The following LIMK2 variants were observed in gnomAD, a reference collection of about 807,000 sequenced individuals.
LIMK2 encodes the protein LIM domain kinase 2.
Under a neutral mutation model 75.7 loss-of-function variants are expected in LIMK2, and 35 were observed. The observed-to-expected ratio is 0.46, with a 90% CI of 0.35 to 0.61. LIMK2 has a LOEUF of 0.61. LIMK2 is among the 20% of genes least tolerant of loss of function. LIMK2 has a pLI of 0.00. For synonymous variants in LIMK2, 301 were observed against 319.2 expected, an observed-to-expected ratio of 0.94 and a Z score of 0.61; for missense variants, 623 against 831.0, an observed-to-expected ratio of 0.75 and a Z score of 3.08.
chr22:31,212,356 G>T lies in LIMK2; in HGVS notation c.-53G>T, dbSNP rs115847103. ...CTGAGGGGAGTTGTAGGGAACTGAG[G>T]GGAGCTGCTGTGTCCCCCGCCTCCT... On this transcript the variant is annotated 5_prime_UTR_variant, in exon 1 of 16. Coordinates refer to ENST00000331728, the MANE Select transcript of LIMK2 (RefSeq NM_005569.4). The T allele has an allele frequency of 2.9e-3, 3,890 of 1,327,502 alleles. 89 individuals carry two copies. The African/African-American group carries it at 0.049, about 17-fold the overall frequency. 82.2% of individuals were successfully genotyped at this position (1,327,502 alleles called of 1,614,324 possible).
chr22:31,263,725 C>T (rs904894448), intron 7 of LIMK2, among the ~76,000 whole-genome samples: 4 of 152,152 alleles, frequency 2.6e-5, no homozygotes, highest in Admixed American at 6.5e-5. Flanking sequence ...GGGCAGGGCA[C>T]TGTGGCTCAC....
chr22:31,267,373 A>G (rs1289209902), intron 9 of LIMK2, among the ~76,000 whole-genome samples: 2 of 152,212 alleles, frequency 1.3e-5, no homozygotes, highest in African/African-American at 4.8e-5. Flanking sequence ...GTACAACTCA[A>G]TGTTATAATC....
At chr22:31,213,184 T>A (rs979902793) in intron 1 of LIMK2, among the ~76,000 whole-genome samples, 5 of 152,060 alleles carry the variant, frequency 3.3e-5, no homozygotes, top group African/African-American at 1.2e-4. Context: ...GCCAAACACC[T>A]CCTGGAAGGA....
chr22:31,259,816 A>G (rs1263549627), intron 4 of LIMK2, 73 bp from the exon 5 acceptor site: 1 of 1,329,736 alleles, frequency 7.5e-7, no homozygotes, highest in Non-Finnish European at 1.0e-6. Flanking sequence ...TTAAAGCCAC[A>G]TGGTGCAGTG....
chr22:31,232,558 C>T (rs1241522360), intron 2 of LIMK2, among the ~76,000 whole-genome samples: 1 of 152,142 alleles, frequency 6.6e-6, no homozygotes, highest in Non-Finnish European at 1.5e-5. Flanking sequence ...AAATTAGGCA[C>T]TGTGGGGGAT....
At chr22:31,233,981 C>G (rs1015286370) in intron 2 of LIMK2, among the ~76,000 whole-genome samples, 15 of 152,108 alleles carry the variant, frequency 9.9e-5, no homozygotes, top group Admixed American at 5.9e-4. Context: ...AATCTGTTCT[C>G]TATAGAGCAG....
intron 2 of LIMK2, among the ~76,000 whole-genome samples, chr22:31,248,928 G>A (rs1387582922): frequency 6.6e-6 from 1 of 152,092 alleles, no homozygotes; most frequent in Non-Finnish European, 1.5e-5. Context: ...GCCTTGTGAG[G>A]TACCCCCATT....
At chr22:31,213,340 CCCAGCCACCTGTGT>C in intron 1 of LIMK2, among the ~76,000 whole-genome samples, 1 of 107,474 alleles carries the variant, frequency 9.3e-6, no homozygotes, top group Non-Finnish European at 1.9e-5. Context: ...TCCTATGTTT[CCCAGCCACCTGTGT>C]GGGTGGCCCA....
Position 31,248,276 on chromosome 22 carries a change from A to G in LIMK2, c.117-10015A>G, listed in dbSNP as rs1013547281. ...AGGTCTGTTTCCTAACAGCTGCTCC[A>G]ACCACACACCTCGGTTCTGCGGGAG... On this transcript the variant is annotated intron_variant, in intron 2 of 15. Coordinates refer to ENST00000331728, the MANE Select transcript of LIMK2 (RefSeq NM_005569.4). The G allele has an allele frequency of 4.5e-6, 5 of 1,107,170 alleles. No homozygotes were observed. The African/African-American group carries it at 8.2e-5, about 18-fold the overall frequency. The allele number at this position is 1,107,170 out of a possible 1,614,324, so 68.6% of individuals were successfully genotyped here.
chr22:31,278,337 T>C lies in LIMK2; in HGVS notation c.1813T>C (p.Ser605Pro). Residue 605 changes from serine (S) to proline (P), a missense_variant, in exon 16 of 16, where the codon TCC (serine) becomes CCC (proline). Coordinates refer to ENST00000331728, the MANE Select transcript of LIMK2 (RefSeq NM_005569.4). ...ATTGGAGGACTCCTTTGAGGCCCTC[T>C]CCCTGTACCTGGGGGAGCTGGGCAT... ...SKLEDSFEALSLYLGELGIPL... is the reference protein window; with the variant it reads ...SKLEDSFEALPLYLGELGIPL... 1 of 1,613,834 alleles carries C rather than the reference T, an allele frequency of 6.2e-7. No individual in the cohort carries two copies. Among genetic ancestry groups the C allele is most frequent in the South Asian group, 1.1e-5 (1 of 91,074 alleles).
intron 13 of LIMK2, 70 bp from the exon 14 acceptor site, chr22:31,273,382 T>A (rs56177090): frequency 0.078 from 108,862 of 1,391,146 alleles, 4,933 homozygotes; most frequent in Middle Eastern, 0.13. Context: ...TGGCTTAGAT[T>A]GACCCTAGAC....
chr22:31,225,019 G>T (rs931111486), intron 1 of LIMK2, among the ~76,000 whole-genome samples: 1 of 152,210 alleles, frequency 6.6e-6, no homozygotes, highest in African/African-American at 2.4e-5. Context: ...GAACCCTATT[G>T]TGAACTGCAC....
At chr22:31,249,079 G>C (rs1015361832) in intron 2 of LIMK2, among the ~76,000 whole-genome samples, 12 of 152,096 alleles carry the variant, frequency 7.9e-5, no homozygotes, top group Admixed American at 7.9e-4. Flanking sequence ...TACTGCTTCC[G>C]GGGGGAATAG....
At chr22:31,219,259 G>A (rs905796915) in intron 1 of LIMK2, among the ~76,000 whole-genome samples, 1 of 152,042 alleles carries the variant, frequency 6.6e-6, no homozygotes, top group Non-Finnish European at 1.5e-5. Context: ...CTGCCCCAGT[G>A]GATTCACATT....
intron 2 of LIMK2, chr22:31,248,508 G>A: frequency 2.6e-6 from 4 of 1,558,644 alleles, no homozygotes; most frequent in Non-Finnish European, 3.5e-6. Flanking sequence ...TCCCAGCCAT[G>A]AGCCCCTGTG....
chr22:31,215,711 G>T (rs1400629674), intron 1 of LIMK2, among the ~76,000 whole-genome samples: 2 of 151,974 alleles, frequency 1.3e-5, no homozygotes, highest in Non-Finnish European at 2.9e-5. Flanking sequence ...GGTAATTAAG[G>T]CAAAAAACAA....
At chr22:31,232,264 A>AG in intron 2 of LIMK2, among the ~76,000 whole-genome samples, 1 of 151,992 alleles carries the variant, frequency 6.6e-6, no homozygotes, top group East Asian at 1.9e-4. Context: ...AAAAAAAAAA[A>AG]AAAAACAGTA....
rs57524309 is a variant in LIMK2 at position 31,246,183 on chromosome 22, G to GCACACACACACACACACACACACA, written c.117-12098_117-12075dup. Among the ~76,000 whole-genome samples, 753 of 135,052 alleles carry GCACACACACACACACACACACACA rather than the reference G, an allele frequency of 5.6e-3. 16 individuals carry two copies. Among genetic ancestry groups the GCACACACACACACACACACACACA allele is most frequent in the Middle Eastern group, 0.012 (3 of 258 alleles). The allele number at this position is 135,052 out of a possible 152,430, so 88.6% of individuals were successfully genotyped here. ...GCGAGACTCCGACACACGCACGCAC[G>GCACACACACACACACACACACACA]CACACACACACACACACACACACAC... On this transcript the variant is annotated intron_variant, in intron 2 of 15. Coordinates refer to ENST00000331728, the MANE Select transcript of LIMK2 (RefSeq NM_005569.4).
intron 2 of LIMK2, among the ~76,000 whole-genome samples, chr22:31,226,384 T>G (rs934253607): frequency 2.0e-5 from 3 of 150,444 alleles, no homozygotes; most frequent in Non-Finnish European, 3.0e-5. Flanking sequence ...TGTATTTTAG[T>G]GGAGACGGGG....
Sources: allele counts gnomAD v4.1 joint callset (sites outside exome capture counted in the v4.1 genomes callset), GRCh38; gene constraint gnomAD v4.1.1; transcripts MANE v1.5; gene names NCBI Gene and HGNC (gene_info 2026-07-23, HGNC 2026-07-21).